RELN: variants seen among roughly 807,000 people sequenced by gnomAD.
The protein encoded by RELN is reelin.
RELN carries 108 observed loss-of-function variants against 427.6 expected under a neutral mutation model. The observed-to-expected ratio is 0.25, with a 90% CI of 0.22 to 0.30. RELN has a LOEUF of 0.30. Ranked by LOEUF, RELN falls within the 10% of genes least tolerant of loss-of-function variation. RELN has a pLI of 1.00. For missense variants in RELN, 3,715 were observed against 4,302.8 expected (o/e 0.86, Z 3.82); for synonymous variants, 1,524 against 1,513.4 (o/e 1.01, Z -0.16).
intron 3 of RELN, among the ~76,000 whole-genome samples, chr7:103,782,658 A>G (rs1791920952): frequency 1.3e-5 from 2 of 152,240 alleles, no homozygotes; most frequent in Non-Finnish European, 2.9e-5. Flanking sequence ...TTTGATTTAT[A>G]TTTTTCACTC....
intron 47 of RELN, among the ~76,000 whole-genome samples, chr7:103,522,960 C>G (rs1352658800): frequency 6.6e-6 from 1 of 152,148 alleles, no homozygotes; most frequent in African/African-American, 2.4e-5. Context: ...CATCTACATA[C>G]TTTCTTAGGC....
intron 15 of RELN, among the ~76,000 whole-genome samples, chr7:103,650,617 C>T (rs1832896361): frequency 6.6e-6 from 1 of 152,026 alleles, no homozygotes; most frequent in African/African-American, 2.4e-5. Flanking sequence ...ATTACTTAAA[C>T]ATTTTTAAAG....
Position 103,651,719 on chromosome 7 carries a change from T to C in RELN, c.1834A>G (p.Ile612Val). ...SLLHTECLPE[I>V]CAGPHLPHST... ...TGGGGGAGGTGGGGTCCAGCACAGA[T>C]CTCAGGTAAGCATTCAGTGTGAAGG... Residue 612 changes from isoleucine (I) to valine (V), a missense_variant, in exon 15 of 65, where the codon ATC becomes GTC. Physicochemically the swap from Ile to Val is conservative, Grantham distance 29. This residue lies in a region of RELN where 2,208 missense variants were observed against 2,361.7 expected (regional missense o/e 0.93). Transcript: ENST00000428762. 1.2e-6 allele frequency: 2 copies of C among 1,611,900 alleles called. No individual in the cohort carries two copies. Among genetic ancestry groups the C allele is most frequent in the Non-Finnish European group, 8.5e-7 (1 of 1,178,660 alleles).
intron 1 of RELN, among the ~76,000 whole-genome samples, chr7:103,952,402 T>C (rs1796350195): frequency 6.6e-6 from 1 of 152,232 alleles, no homozygotes; most frequent in South Asian, 2.1e-4. Flanking sequence ...CTTAAATTTA[T>C]TCTAATATGC....
At chr7:103,718,350 A>AAAG (rs1562969981) in intron 8 of RELN, among the ~76,000 whole-genome samples, 1 of 146,918 alleles carries the variant, frequency 6.8e-6, no homozygotes. Context: ...AAAAAAAAAA[A>AAAG]TTAAACACAC....
chr7:103,783,039 G>A (rs1356022306), intron 3 of RELN, among the ~76,000 whole-genome samples: 1 of 152,068 alleles, frequency 6.6e-6, no homozygotes, highest in Non-Finnish European at 1.5e-5. Flanking sequence ...TAAATATGTG[G>A]AATATGGGGG....
At chr7:103,700,830 AG>A in intron 9 of RELN, 79 bp downstream of exon 9, 3 of 861,356 alleles carry the variant, frequency 3.5e-6, no homozygotes, top group Middle Eastern at 4.6e-4. Flanking sequence ...AGAAAAAGTT[AG>A]TGGTGGATTG....
chr7:103,836,038 C>G (rs1228401051), intron 2 of RELN, among the ~76,000 whole-genome samples: 2 of 151,848 alleles, frequency 1.3e-5, no homozygotes, highest in Non-Finnish European at 2.9e-5. Flanking sequence ...TTACTGCAAC[C>G]TGCAATCTCC....
intron 63 of RELN, among the ~76,000 whole-genome samples, chr7:103,480,119 T>C (rs1828180668): frequency 6.6e-6 from 1 of 152,150 alleles, no homozygotes; most frequent in South Asian, 2.1e-4. Flanking sequence ...CTCCCTGCCA[T>C]GCTTGAGGAG....
chr7:103,567,608 C>A (rs868033898), intron 31 of RELN, among the ~76,000 whole-genome samples: 5 of 151,976 alleles, frequency 3.3e-5, no homozygotes, highest in Non-Finnish European at 7.4e-5. Context: ...AGCCTTTATA[C>A]CCGCTTCTTT....
Sources: allele counts gnomAD v4.1 joint callset (sites outside exome capture counted in the v4.1 genomes callset), GRCh38; gene constraint gnomAD v4.1.1; regional missense constraint gnomAD v4.1.1; transcripts MANE v1.5; gene names NCBI Gene and HGNC (gene_info 2026-07-23, HGNC 2026-07-21).